MLIP: variants seen among roughly 807,000 people sequenced by gnomAD.
MLIP encodes muscular LMNA-interacting protein.
MLIP carries 79 observed loss-of-function variants against 84.8 expected under a neutral mutation model. That is an observed-to-expected ratio of 0.93 (90% CI 0.78 to 1.12). MLIP has a LOEUF of 1.12. Among genes scored for constraint, MLIP ranks in the 50% most tolerant of loss-of-function variants. The probability of loss-of-function intolerance (pLI) is 0.00; values close to 1 mark genes in which losing one functional copy is unlikely to be tolerated. For missense variants in MLIP, 1,257 were observed against 1,160.6 expected (o/e 1.08, Z -1.21); for synonymous variants, 504 against 463.0 (o/e 1.09, Z -1.14).
chr6:54,025,433 G>T (rs971174163), intron 1 of MLIP, among the ~76,000 whole-genome samples: 28 of 152,306 alleles, frequency 1.8e-4, no homozygotes, highest in African/African-American at 6.5e-4. Context: ...ATCTCTGGCG[G>T]TAAGGTACTG....
At chr6:54,175,293 G>T (rs1776173221) in intron 9 of MLIP, among the ~76,000 whole-genome samples, 1 of 151,990 alleles carries the variant, frequency 6.6e-6, no homozygotes, top group African/African-American at 2.4e-5. Context: ...AATGTCATTG[G>T]TATTTTGATA....
rs528865831 is a variant in MLIP at position 54,028,354 on chromosome 6, C to T, written c.63+9263C>T. Among the ~76,000 whole-genome samples the T allele has an allele frequency of 2.8e-4, 42 of 152,138 alleles. No individual in the cohort carries two copies. In the South Asian group the frequency reaches 4.2e-3, roughly 15 times the overall value. ...CAGAGCGTAGCAATTTAGAGACCAC[C>T]TCGTGATTTTAAATACCAACTTGAT... On this transcript the variant is annotated intron_variant, in intron 1 of 12. Coordinates refer to the MLIP transcript ENST00000274897.
intron 11 of MLIP, among the ~76,000 whole-genome samples, chr6:54,220,653 T>G (rs985718311): frequency 6.6e-6 from 1 of 150,750 alleles, no homozygotes; most frequent in African/African-American, 2.4e-5. Context: ...TAAAATATTC[T>G]CAGTTTATAA....
chr6:54,183,168 T>C (rs925482546), intron 9 of MLIP, among the ~76,000 whole-genome samples: 3 of 152,190 alleles, frequency 2.0e-5, no homozygotes, highest in Non-Finnish European at 4.4e-5. Flanking sequence ...CTTGGAAACG[T>C]TGCTATGCTG....
chr6:54,138,542 T>C (rs1479929085), intron 4 of MLIP, among the ~76,000 whole-genome samples: 1 of 152,132 alleles, frequency 6.6e-6, no homozygotes. Flanking sequence ...TATCTATGAC[T>C]CCAAGGGTAT....
intron 13 of MLIP, 106 bp from the exon 14 acceptor site, chr6:54,265,844 T>C: frequency 2.8e-6 from 3 of 1,056,894 alleles, no homozygotes; most frequent in South Asian, 1.5e-5. Flanking sequence ...GTATAAACCA[T>C]TTTTTTGTAG....
chr6:54,117,425 A>G (rs987618555), intron 1 of MLIP, among the ~76,000 whole-genome samples: 2 of 150,924 alleles, frequency 1.3e-5, no homozygotes, highest in African/African-American at 2.4e-5. Flanking sequence ...TGTGTTAGCC[A>G]GGATGGTCTC....
chr6:54,097,017 G>T (rs1768263079), intron 1 of MLIP, among the ~76,000 whole-genome samples: 2 of 152,198 alleles, frequency 1.3e-5, no homozygotes, highest in Admixed American at 1.3e-4. Flanking sequence ...GAAGCAAGTA[G>T]TGCGGCTGTG....
chr6:54,262,153 G>A (rs1783429731), intron 13 of MLIP, among the ~76,000 whole-genome samples: 1 of 151,958 alleles, frequency 6.6e-6, no homozygotes, highest in East Asian at 1.9e-4. Context: ...TGTGTTGTAA[G>A]CCCCCAACCT....
intron 12 of MLIP, among the ~76,000 whole-genome samples, chr6:54,240,666 T>C (rs1562096087): frequency 1.3e-5 from 2 of 152,186 alleles, no homozygotes; most frequent in Non-Finnish European, 1.5e-5. Context: ...CAGAATTATC[T>C]GGGGAGCTTT....
chr6:54,033,066 A>G (rs1210938291), intron 1 of MLIP, among the ~76,000 whole-genome samples: 1 of 152,194 alleles, frequency 6.6e-6, no homozygotes, highest in Non-Finnish European at 1.5e-5. Flanking sequence ...AAATTTTTTA[A>G]TGTAACATCA....
intron 1 of MLIP, among the ~76,000 whole-genome samples, chr6:54,070,072 C>G (rs1766390257): frequency 6.6e-6 from 1 of 152,124 alleles, no homozygotes; most frequent in African/African-American, 2.4e-5. Flanking sequence ...TTTTCCCCTT[C>G]TCTGTTACTT....
At chr6:54,165,955 C>G (rs1775133653) in intron 8 of MLIP, among the ~76,000 whole-genome samples, 1 of 151,902 alleles carries the variant, frequency 6.6e-6, no homozygotes, top group Non-Finnish European at 1.5e-5. Context: ...CAAGATGGCA[C>G]CATCTATGAA....
chr6:54,212,441 C>G (rs1179777371), intron 11 of MLIP, among the ~76,000 whole-genome samples: 1 of 152,166 alleles, frequency 6.6e-6, no homozygotes, highest in African/African-American at 2.4e-5. Flanking sequence ...ATTTAGGTCA[C>G]ATGTTTGGAG....
intron 10 of MLIP, among the ~76,000 whole-genome samples, chr6:54,190,371 A>G (rs1777794620): frequency 6.6e-6 from 1 of 152,258 alleles, no homozygotes; most frequent in Non-Finnish European, 1.5e-5. Flanking sequence ...AACGTGAATG[A>G]CAAATGTAAG....
chr6:54,037,000 T>C (rs541253934), intron 1 of MLIP, among the ~76,000 whole-genome samples: 1 of 152,170 alleles, frequency 6.6e-6, no homozygotes, highest in South Asian at 2.1e-4. Context: ...AAAAATATTC[T>C]TGCAGTATTA....
At chr6:54,222,105 TA>T (rs985252150) in intron 11 of MLIP, among the ~76,000 whole-genome samples, 17 of 151,998 alleles carry the variant, frequency 1.1e-4, no homozygotes, top group Admixed American at 9.2e-4. Context: ...ATATTTTAGG[TA>T]AAAAACTTGA....
chr6:54,229,419 A>G (rs188196167), intron 11 of MLIP, among the ~76,000 whole-genome samples: 2 of 152,134 alleles, frequency 1.3e-5, no homozygotes, highest in Non-Finnish European at 2.9e-5. Flanking sequence ...GGTTTATTAC[A>G]TAGGTAAACG....
intron 9 of MLIP, among the ~76,000 whole-genome samples, chr6:54,182,167 T>A (rs1776942800): frequency 6.6e-6 from 1 of 152,178 alleles, no homozygotes; most frequent in Non-Finnish European, 1.5e-5. Flanking sequence ...TGGTGAGCCT[T>A]TCCAAGAGAG....
Sources: allele counts gnomAD v4.1 joint callset (sites outside exome capture counted in the v4.1 genomes callset), GRCh38; gene constraint gnomAD v4.1.1; transcripts MANE v1.5; gene names NCBI Gene and HGNC (gene_info 2026-07-23, HGNC 2026-07-21).